DPP10: variants seen among roughly 807,000 people sequenced by gnomAD.
The protein encoded by DPP10 is dipeptidyl peptidase like 10, also known as inactive dipeptidyl peptidase 10.
A neutral mutation model predicts 120.9 loss-of-function variants in DPP10; 33 were observed. That is an observed-to-expected ratio of 0.27 (90% CI 0.21 to 0.37). The LOEUF is 0.37. Among genes scored for constraint, DPP10 ranks in the 10% least tolerant of loss-of-function variants. The pLI is 1.00. For missense variants in DPP10, 816 were observed against 942.8 expected (o/e 0.87, Z 1.76); for synonymous variants, 337 against 326.1 (o/e 1.03, Z -0.36).
intron 1 of DPP10, among the ~76,000 whole-genome samples, chr2:114,944,348 A>C (rs935465527): frequency 2.0e-5 from 3 of 152,098 alleles, no homozygotes; most frequent in Admixed American, 2.0e-4. Flanking sequence ...AACTGGTCTA[A>C]TTTTACAGGA....
At chr2:114,780,035 C>T (rs1419771305) in intron 1 of DPP10, among the ~76,000 whole-genome samples, 1 of 151,942 alleles carries the variant, frequency 6.6e-6, no homozygotes, top group Non-Finnish European at 1.5e-5. Context: ...ACTCGGGAGG[C>T]TGAGGCAGGA....
At chr2:115,512,392 A>G (rs2077280920) in intron 4 of DPP10, among the ~76,000 whole-genome samples, 1 of 152,054 alleles carries the variant, frequency 6.6e-6, no homozygotes, top group Non-Finnish European at 1.5e-5. Flanking sequence ...GCCACCGCAC[A>G]TGGCCTAAGA....
intron 1 of DPP10, among the ~76,000 whole-genome samples, chr2:114,729,366 T>A (rs894760659): frequency 6.6e-6 from 1 of 152,254 alleles, no homozygotes; most frequent in East Asian, 1.9e-4. Flanking sequence ...ATGAAATGAC[T>A]ATGGCTCATA....
intron 1 of DPP10, among the ~76,000 whole-genome samples, chr2:114,955,619 G>A (rs577981011): frequency 9.2e-5 from 14 of 152,206 alleles, no homozygotes; most frequent in South Asian, 4.2e-4. Flanking sequence ...GCCTCCTATC[G>A]AAACTAAATA....
At chr2:114,467,579 C>T (rs1679511278) in intron 1 of DPP10, among the ~76,000 whole-genome samples, 3 of 152,176 alleles carry the variant, frequency 2.0e-5, no homozygotes, top group Non-Finnish European at 4.4e-5. Context: ...TTCTCCCAAC[C>T]TGTGTACCCC....
At chr2:115,165,782 T>C (rs2052789859) in intron 1 of DPP10, among the ~76,000 whole-genome samples, 1 of 152,014 alleles carries the variant, frequency 6.6e-6, no homozygotes. Context: ...TTCTCTCAGC[T>C]CCAAAAGCAA....
intron 3 of DPP10, among the ~76,000 whole-genome samples, chr2:115,467,248 C>T (rs971332158): frequency 6.6e-6 from 1 of 152,082 alleles, no homozygotes; most frequent in African/African-American, 2.4e-5. Context: ...CCAACAACCA[C>T]AAACACATCC....
intron 1 of DPP10, among the ~76,000 whole-genome samples, chr2:115,103,068 AT>A (rs1157548040): frequency 6.6e-6 from 1 of 152,222 alleles, no homozygotes; most frequent in Non-Finnish European, 1.5e-5. Context: ...GCTATAAAAA[AT>A]GAACTCTAAA....
intron 1 of DPP10, among the ~76,000 whole-genome samples, chr2:115,093,899 A>C (rs1709496126): frequency 6.6e-6 from 1 of 151,978 alleles, no homozygotes; most frequent in Non-Finnish European, 1.5e-5. Flanking sequence ...CCCTCTTTTT[A>C]ATTTTCTAAC....
intron 1 of DPP10, among the ~76,000 whole-genome samples, chr2:114,588,276 C>T (rs1691166941): frequency 6.6e-6 from 1 of 152,142 alleles, no homozygotes; most frequent in African/African-American, 2.4e-5. Context: ...TAGAAAATTA[C>T]AACTTAACTA....
chr2:114,656,225 T>C (rs187116158), intron 1 of DPP10, among the ~76,000 whole-genome samples: 19 of 152,168 alleles, frequency 1.2e-4, no homozygotes, highest in Admixed American at 9.8e-4. Context: ...TAAGATTCGG[T>C]TTGGGGTCTT....
chr2:115,662,341 CT>C (rs2149412581), intron 5 of DPP10, among the ~76,000 whole-genome samples: 1 of 152,202 alleles, frequency 6.6e-6, no homozygotes, highest in East Asian at 1.9e-4. Context: ...GTGCATAGAT[CT>C]CTTAAGGACC....
chr2:114,806,671 C>T (rs986466279), intron 1 of DPP10, among the ~76,000 whole-genome samples: 1 of 152,124 alleles, frequency 6.6e-6, no homozygotes, highest in Non-Finnish European at 1.5e-5. Flanking sequence ...TACCTATTTC[C>T]TAACCCCAAA....
At chr2:115,112,668 T>C (rs2049287985) in intron 1 of DPP10, among the ~76,000 whole-genome samples, 1 of 152,188 alleles carries the variant, frequency 6.6e-6, no homozygotes, top group Admixed American at 6.5e-5. Context: ...AAAAGTTGAA[T>C]TCATGAAAGT....
chr2:115,220,208 A>G (rs1013174887), intron 1 of DPP10, among the ~76,000 whole-genome samples: 1 of 152,148 alleles, frequency 6.6e-6, no homozygotes, highest in African/African-American at 2.4e-5. Context: ...TATGCTCTTA[A>G]TCATTATTCT....
chr2:114,753,613 A>G (rs756258886), intron 1 of DPP10, among the ~76,000 whole-genome samples: 40 of 152,178 alleles, frequency 2.6e-4, no homozygotes, highest in Non-Finnish European at 3.4e-4. Flanking sequence ...GAAAAAGTAT[A>G]GAAATATGAA....
intron 5 of DPP10, among the ~76,000 whole-genome samples, chr2:115,526,559 T>C (rs4849404): frequency 0.19 from 28,494 of 152,116 alleles, 3,347 homozygotes; most frequent in East Asian, 0.39. Flanking sequence ...TAGAGCAATA[T>C]GTATGGTTGT....
chr2:114,646,159 CAAAT>C (rs3029136), intron 1 of DPP10, among the ~76,000 whole-genome samples: 23,329 of 140,640 alleles, frequency 0.17, 2,157 homozygotes, highest in African/African-American at 0.26. Flanking sequence ...GCCTCAGTCT[CAAAT>C]AAATAAATAA....
chr2:115,636,356 G>A (rs1575406131), intron 5 of DPP10, among the ~76,000 whole-genome samples: 1 of 152,236 alleles, frequency 6.6e-6, no homozygotes, highest in East Asian at 1.9e-4. Context: ...AGACCGAAAA[G>A]ATATAAAGAA....
Sources: gnomAD v4.1 joint callset for allele counts (sites outside exome capture counted in the v4.1 genomes callset) on GRCh38, gnomAD v4.1.1 for gene constraint, MANE v1.5 for transcripts, NCBI Gene and HGNC (gene_info 2026-07-23, HGNC 2026-07-21) for gene names.